The following TMEM18 variants were observed in gnomAD, a reference collection of about 807,000 sequenced individuals.
TMEM18 encodes transmembrane protein 18.
A neutral mutation model predicts 17.4 loss-of-function variants in TMEM18; 14 were observed. The observed-to-expected ratio is 0.80, with a 90% CI of 0.53 to 1.25. The LOEUF (loss-of-function observed/expected upper bound fraction) is 1.25. Among genes scored for constraint, TMEM18 ranks in the 50% most tolerant of loss-of-function variants. TMEM18 has a pLI of 0.00. For synonymous variants in TMEM18, 86 were observed against 66.1 expected (o/e 1.30, Z -1.46); for missense variants, 187 against 172.1 (o/e 1.09, Z -0.48).
Position 669,867 on chromosome 2 carries a change from A to G in TMEM18, c.234-17T>C. Reference sequence around the variant, plus strand: ...GAAAATAATCTGTTTAAAAAACAAAAACAAAAAATTACTAGGCAATACAAC... The same window carrying G: ...GAAAATAATCTGTTTAAAAAACAAAGACAAAAAATTACTAGGCAATACAAC... On this transcript the variant is annotated splice_polypyrimidine_tract_variant and intron_variant, in intron 3 of 4. Coordinates refer to ENST00000281017, the MANE Select transcript of TMEM18 (RefSeq NM_152834.4). The G allele has an allele frequency of 6.3e-7, 1 of 1,599,122 alleles. No individual in the cohort carries two copies. Among genetic ancestry groups the G allele is most frequent in the Non-Finnish European group, 8.5e-7 (1 of 1,172,602 alleles).
intron 3 of TMEM18, 186 bp from the exon 4 acceptor site, chr2:670,036 C>T (rs571320295): frequency 6.1e-5 from 35 of 576,780 alleles, no homozygotes; most frequent in Non-Finnish European, 1.0e-4. Context: ...AATGAATGCT[C>T]ATTATGAAGA....
In TMEM18 at chr2:665,316, A is replaced by T. The variant is rs992190519; in HGVS notation, c.*4264T>A. Among the ~76,000 whole-genome samples, 1 of 151,536 alleles carries T rather than the reference A, an allele frequency of 6.6e-6. No individual in the cohort carries two copies. Among genetic ancestry groups the T allele is most frequent in the African/African-American group, 2.4e-5 (1 of 41,162 alleles). On this transcript the variant is annotated 3_prime_UTR_variant, in exon 5 of 5. Coordinates refer to ENST00000281017, the MANE Select transcript of TMEM18 (RefSeq NM_152834.4). Reference sequence around the variant, plus strand: ...AGAGAATCAACCCCACATAAAATAGAACCCAGAGATGCAGATGCACCACTC... The same window carrying T: ...AGAGAATCAACCCCACATAAAATAGTACCCAGAGATGCAGATGCACCACTC...
rs185125036 is a variant in TMEM18 at position 669,057 on chromosome 2, C to A, written c.*523G>T. 571 of 153,638 alleles carry A rather than the reference C, an allele frequency of 3.7e-3. No individual in the cohort carries two copies. The highest frequency in any genetic ancestry group is 5.7e-3 in the Non-Finnish European group (392 of 69,042). The allele number at this position is 153,638 out of a possible 1,614,324, so 9.5% of individuals were successfully genotyped here. On this transcript the variant is annotated 3_prime_UTR_variant, in exon 5 of 5. Coordinates refer to ENST00000281017, the MANE Select transcript of TMEM18 (RefSeq NM_152834.4). The stretch of plus-strand genomic sequence containing the variant: ...ACAGGATTTTATGCATCACCCCGGG[C>A]TCCACAGGAGAAGCCAGGAGCACCA...
chr2:676,403 GC>G, intron 1 of TMEM18: 1 of 1,338,390 alleles, frequency 7.5e-7, no homozygotes, highest in Non-Finnish European at 1.0e-6. Flanking sequence ...CCAAGCTGCA[GC>G]CCCGCCCTGC....
At chr2:677,197 T>C in intron 1 of TMEM18, 92 bp downstream of exon 1, 1 of 1,499,636 alleles carries the variant, frequency 6.7e-7, no homozygotes, top group East Asian at 2.4e-5. Flanking sequence ...GGCCGGGGCC[T>C]TCTTGGCCAC....
At chr2:675,732 C>G (rs536235717) in intron 1 of TMEM18, 102 bp from the exon 2 acceptor site, 1 of 1,541,812 alleles carries the variant, frequency 6.5e-7, no homozygotes, top group Admixed American at 2.0e-5. Context: ...GGGCCTCTCA[C>G]TCCTGAGTCC....
chr2:666,535 A>G lies in TMEM18; in HGVS notation c.*3045T>C, dbSNP rs1678695222. 6.6e-6 allele frequency among the ~76,000 whole-genome samples: 1 copy of G among 151,978 alleles called. No homozygotes were observed. Among genetic ancestry groups the G allele is most frequent in the African/African-American group, 2.4e-5 (1 of 41,392 alleles). ...GCTTGCTGTCAACTGTTCCAGCCCC[A>G]CTCGGAACAAGCTGCCACCAACGCA... is the stretch of plus-strand genomic sequence containing the variant. On this transcript the variant is annotated 3_prime_UTR_variant, in exon 5 of 5. Coordinates refer to ENST00000281017, the MANE Select transcript of TMEM18 (RefSeq NM_152834.4).
At chr2:674,884 C>T (rs1160836826) in intron 2 of TMEM18, among the ~76,000 whole-genome samples, 4 of 152,182 alleles carry the variant, frequency 2.6e-5, no homozygotes, top group Admixed American at 1.3e-4. Flanking sequence ...TCCTGGAGGG[C>T]TTGCAGTTTC....
intron 1 of TMEM18, chr2:675,993 G>A (rs1341597649): frequency 7.6e-7 from 1 of 1,308,474 alleles, no homozygotes; most frequent in Non-Finnish European, 1.0e-6. Context: ...GATGATAATT[G>A]GTTATGATAA....
In TMEM18 at chr2:668,257, G is replaced by C. The variant is rs2103089010; in HGVS notation, c.*1323C>G. ...GATTACAATTTGAGATGCAATTTGG[G>C]TGGGGACACAAAGCCAAACCATATC... On this transcript the variant is annotated 3_prime_UTR_variant, in exon 5 of 5. Transcript: ENST00000281017. 1 of 152,274 alleles carries C rather than the reference G, an allele frequency of 6.6e-6. No individual in the cohort carries two copies. The highest frequency in any genetic ancestry group is 2.1e-4 in the South Asian group (1 of 4,824). 9.4% of individuals were successfully genotyped at this position (152,274 alleles called of 1,614,324 possible).
At chr2:672,943 A>C (rs1678894563) in intron 2 of TMEM18, 81 bp from the exon 3 acceptor site, 1 of 1,260,634 alleles carries the variant, frequency 7.9e-7, no homozygotes. Context: ...TTACAGCAGA[A>C]TACTGAATAG....
chr2:676,439 C>A, intron 1 of TMEM18: 1 of 1,114,122 alleles, frequency 9.0e-7, no homozygotes, highest in Non-Finnish European at 1.3e-6. Flanking sequence ...CCCCGCCCTG[C>A]CCTCCAAGCT....
rs1366136536 is a variant in TMEM18 at position 667,177 on chromosome 2, C to T, written c.*2403G>A. Among the ~76,000 whole-genome samples the T allele has an allele frequency of 6.6e-6, 1 of 152,154 alleles. No homozygotes were observed. Among genetic ancestry groups the T allele is most frequent in the East Asian group, 1.9e-4 (1 of 5,178 alleles). On this transcript the variant is annotated 3_prime_UTR_variant, in exon 5 of 5. Transcript: ENST00000281017. ...GTAGACTTTCTTCTACTGGCAAGGA[C>T]ACAATTGCATTTGTTTGTTAAAACT...
intron 2 of TMEM18, among the ~76,000 whole-genome samples, chr2:674,860 C>G (rs1400705849): frequency 6.6e-6 from 1 of 152,256 alleles, no homozygotes; most frequent in Non-Finnish European, 1.5e-5. Context: ...CGCTCAGCAT[C>G]AGAAGTGCTT....
chr2:670,174 T>C (rs899077554), intron 3 of TMEM18: 38 of 269,464 alleles, frequency 1.4e-4, no homozygotes, highest in African/African-American at 8.3e-4. Flanking sequence ...TGACCTTAGC[T>C]GGAAGACACT....
At position 669,562 on chromosome 2, in the gene TMEM18, C is replaced by T; in HGVS notation, c.*18G>A. The T allele has an allele frequency of 1.2e-6, 2 of 1,613,868 alleles. No individual in the cohort carries two copies. Among genetic ancestry groups the T allele is most frequent in the South Asian group, 1.1e-5 (1 of 91,042 alleles). The stretch of plus-strand genomic sequence containing the variant: ...TGGGTGGACGGGAAGGACGCAAACT[C>T]CAAGCAGCTGCTGCCCCTCAGTCTT... On this transcript the variant is annotated 3_prime_UTR_variant, in exon 5 of 5. Transcript: ENST00000281017.
rs1034359061 is a variant in TMEM18 at position 667,810 on chromosome 2, G to A, written c.*1770C>T. The A allele has an allele frequency of 7.2e-5, 11 of 152,212 alleles. No individual in the cohort carries two copies. Among genetic ancestry groups the A allele is most frequent in the Non-Finnish European group, 1.2e-4 (8 of 68,048 alleles). 9.4% of individuals were successfully genotyped at this position (152,212 alleles called of 1,614,324 possible). A position where few individuals can be genotyped will look rare whatever the true frequency, so the allele number is the denominator to read the frequency against. On this transcript the variant is annotated 3_prime_UTR_variant, in exon 5 of 5. Coordinates refer to ENST00000281017, the MANE Select transcript of TMEM18 (RefSeq NM_152834.4). The stretch of plus-strand genomic sequence containing the variant: ...ACACGTCATGGTTTCACACTGACAT[G>A]TCATCAGCATCAAATTCATGCAAAG...
At position 667,328 on chromosome 2, in the gene TMEM18, T is replaced by C. The variant is rs1029504700; in HGVS notation, c.*2252A>G. The stretch of plus-strand genomic sequence containing the variant: ...TTTTTTTGAAAAAAACAAAAAAAAA[T>C]ACTACATATTATTAAAGATGTATTT... On this transcript the variant is annotated 3_prime_UTR_variant, in exon 5 of 5. Coordinates refer to ENST00000281017, the MANE Select transcript of TMEM18 (RefSeq NM_152834.4). The C allele has an allele frequency of 2.0e-5, 3 of 152,002 alleles. No individual in the cohort carries two copies. Among genetic ancestry groups the C allele is most frequent in the Non-Finnish European group, 4.4e-5 (3 of 67,992 alleles). The allele number at this position is 152,002 out of a possible 1,614,324, so 9.4% of individuals were successfully genotyped here.
rs762542772 is a variant in TMEM18 at position 672,858 on chromosome 2, G to A, written c.183C>T (p.Ile61=). 2 of 1,508,784 alleles carry A rather than the reference G, an allele frequency of 1.3e-6. No homozygotes were observed. The highest frequency in any genetic ancestry group is 1.8e-6 in the Non-Finnish European group (2 of 1,142,084). 93.5% of individuals were successfully genotyped at this position (1,508,784 alleles called of 1,614,324 possible). ...LQIGHFLCLV[I]LVYCAEYINE... The stretch of plus-strand genomic sequence containing the variant: ...TGATGTATTCAGCACAGTAGACTAA[G>A]ATGACTGAAAAAAGGTACAAGTCAT... Residue 61 remains isoleucine (I), a synonymous_variant, in exon 3 of 5, where the codon ATC becomes ATT. Coordinates refer to ENST00000281017, the MANE Select transcript of TMEM18 (RefSeq NM_152834.4).
Sources: allele counts gnomAD v4.1 joint callset (sites outside exome capture counted in the v4.1 genomes callset), GRCh38; gene constraint gnomAD v4.1.1; transcripts MANE v1.5; gene names NCBI Gene and HGNC (gene_info 2026-07-23, HGNC 2026-07-21).